Variants in SLC25A12 observed in about 807,000 individuals in gnomAD.
The protein encoded by SLC25A12 is electrogenic aspartate/glutamate antiporter SLC25A12, mitochondrial.
A neutral mutation model predicts 83.3 loss-of-function variants in SLC25A12; 32 were observed. The observed-to-expected ratio is 0.38, with a 90% CI of 0.29 to 0.52. SLC25A12 has a LOEUF of 0.52. SLC25A12 is among the 20% of genes least tolerant of loss of function. The pLI is 0.84. For missense variants in SLC25A12, 611 were observed against 835.6 expected, an observed-to-expected ratio of 0.73 and a Z score of 3.31; for synonymous variants, 267 against 291.1, an observed-to-expected ratio of 0.92 and a Z score of 0.84.
At chr2:171,844,300 T>C in intron 5 of SLC25A12, 69 bp downstream of exon 5, 2 of 1,513,024 alleles carry the variant, frequency 1.3e-6, no homozygotes, top group Non-Finnish European at 9.1e-7. Flanking sequence ...GTAATAAACT[T>C]AATAAATACA....
In SLC25A12 at chr2:171,783,627, G is replaced by C. The variant is rs1364918127; in HGVS notation, c.*1647C>G. On this transcript the variant is annotated 3_prime_UTR_variant, in exon 18 of 18. Transcript: ENST00000422440. Reference sequence around the variant, plus strand: ...GGCCAGGAAGTGGTGGAGGTAGAAGGAGGGTAAGCGGGACACTTTCCCATC... The same window carrying C: ...GGCCAGGAAGTGGTGGAGGTAGAAGCAGGGTAAGCGGGACACTTTCCCATC... Among the ~76,000 whole-genome samples the C allele has an allele frequency of 6.6e-6, 1 of 152,160 alleles. No individual in the cohort carries two copies. Among genetic ancestry groups the C allele is most frequent in the Non-Finnish European group, 1.5e-5 (1 of 68,026 alleles).
At chr2:171,861,586 T>A (rs1685160682) in intron 3 of SLC25A12, among the ~76,000 whole-genome samples, 1 of 152,110 alleles carries the variant, frequency 6.6e-6, no homozygotes, top group Non-Finnish European at 1.5e-5. Context: ...TTTAAATGTT[T>A]TTGTATAGAC....
At chr2:171,806,928 T>C (rs1683846068) in intron 13 of SLC25A12, among the ~76,000 whole-genome samples, 2 of 152,192 alleles carry the variant, frequency 1.3e-5, no homozygotes, top group Non-Finnish European at 2.9e-5. Flanking sequence ...AGTGTTAATC[T>C]GGTGGCTGTT....
intron 3 of SLC25A12, among the ~76,000 whole-genome samples, chr2:171,864,518 C>A (rs977925557): frequency 3.2e-4 from 48 of 152,170 alleles, no homozygotes; most frequent in African/African-American, 1.1e-3. Context: ...ACTACATCTC[C>A]CCCAGCAACA....
At chr2:171,858,869 T>G (rs1488254352) in intron 3 of SLC25A12, among the ~76,000 whole-genome samples, 1 of 152,208 alleles carries the variant, frequency 6.6e-6, no homozygotes, top group African/African-American at 2.4e-5. Context: ...AGGTTTCCAA[T>G]TAAGTAGCCC....
chr2:171,850,055 C>T (rs1020564637), intron 4 of SLC25A12, among the ~76,000 whole-genome samples: 6 of 151,750 alleles, frequency 4.0e-5, no homozygotes, highest in Admixed American at 1.3e-4. Flanking sequence ...CCTCCTGCCT[C>T]GGCCTCCCAA....
intron 9 of SLC25A12, among the ~76,000 whole-genome samples, chr2:171,818,417 T>C (rs1380465760): frequency 2.6e-5 from 4 of 151,986 alleles, no homozygotes; most frequent in Admixed American, 2.0e-4. Context: ...AGGAAATAAG[T>C]TGAGACCTCA....
intron 13 of SLC25A12, among the ~76,000 whole-genome samples, chr2:171,794,009 A>G (rs1352458207): frequency 6.6e-6 from 1 of 152,156 alleles, no homozygotes; most frequent in Non-Finnish European, 1.5e-5. Flanking sequence ...TGAAATGTCA[A>G]GATTGTTTCT....
chr2:171,851,915 T>C (rs1684942803), intron 4 of SLC25A12, among the ~76,000 whole-genome samples: 1 of 152,194 alleles, frequency 6.6e-6, no homozygotes, highest in Non-Finnish European at 1.5e-5. Flanking sequence ...GTTACCTGAA[T>C]CTAATAGTAC....
intron 2 of SLC25A12, among the ~76,000 whole-genome samples, chr2:171,882,482 C>G (rs1685718341): frequency 6.6e-6 from 1 of 152,216 alleles, no homozygotes; most frequent in Admixed American, 6.5e-5. Flanking sequence ...GGATGCTCCA[C>G]ATGGCAAAGC....
At chr2:171,888,973 C>T (rs1329317964) in intron 2 of SLC25A12, among the ~76,000 whole-genome samples, 4 of 152,142 alleles carry the variant, frequency 2.6e-5, no homozygotes, top group African/African-American at 4.8e-5. Context: ...AAATCCTCCC[C>T]AAACTAAATC....
At chr2:171,857,226 C>T (rs1013751418) in intron 3 of SLC25A12, among the ~76,000 whole-genome samples, 1 of 151,956 alleles carries the variant, frequency 6.6e-6, no homozygotes, top group Non-Finnish European at 1.5e-5. Flanking sequence ...AAAAAATTAG[C>T]TGGGCATGGT....
At chr2:171,874,345 T>C (rs1435648923) in intron 2 of SLC25A12, among the ~76,000 whole-genome samples, 2 of 152,174 alleles carry the variant, frequency 1.3e-5, no homozygotes, top group African/African-American at 2.4e-5. Context: ...TGAGCCGAGA[T>C]TGCACCAATG....
chr2:171,891,282 G>C (rs1171726840), intron 2 of SLC25A12, among the ~76,000 whole-genome samples: 1 of 151,578 alleles, frequency 6.6e-6, no homozygotes, highest in Admixed American at 6.6e-5. Flanking sequence ...CTGGGCGACA[G>C]AGCGAGACTC....
chr2:171,841,843 A>C (rs898263519), intron 5 of SLC25A12, among the ~76,000 whole-genome samples: 1 of 152,240 alleles, frequency 6.6e-6, no homozygotes, highest in Non-Finnish European at 1.5e-5. Context: ...GGATTCTCCA[A>C]GGTAAAAGTG....
At chr2:171,845,701 TA>T in intron 4 of SLC25A12, 2 of 358,932 alleles carry the variant, frequency 5.6e-6, no homozygotes, top group Non-Finnish European at 1.1e-5. Flanking sequence ...TAGGGGAATG[TA>T]AGAATTCTGA....
At chr2:171,833,687 G>T (rs537240297) in intron 8 of SLC25A12, among the ~76,000 whole-genome samples, 1 of 151,182 alleles carries the variant, frequency 6.6e-6, no homozygotes, top group Non-Finnish European at 1.5e-5. Flanking sequence ...CCTCACTCCC[G>T]CCTTCTCTTC....
intron 9 of SLC25A12, among the ~76,000 whole-genome samples, chr2:171,817,146 C>G (rs531059411): frequency 6.6e-6 from 1 of 152,170 alleles, no homozygotes; most frequent in East Asian, 1.9e-4. Flanking sequence ...CTTGTACTTT[C>G]TAGCCTCTAG....
intron 4 of SLC25A12, among the ~76,000 whole-genome samples, chr2:171,853,227 A>C (rs1004877711): frequency 6.6e-6 from 1 of 152,194 alleles, no homozygotes; most frequent in Non-Finnish European, 1.5e-5. Context: ...ATTATGGAGG[A>C]AAAGAATGAA....
Sources: allele counts gnomAD v4.1 joint callset (sites outside exome capture counted in the v4.1 genomes callset), GRCh38; gene constraint gnomAD v4.1.1; transcripts MANE v1.5; gene names NCBI Gene and HGNC (gene_info 2026-07-23, HGNC 2026-07-21).